Variants in DLG2 observed in about 807,000 individuals in gnomAD.
DLG2 encodes disks large homolog 2.
A neutral mutation model predicts 132.5 loss-of-function variants in DLG2; 45 were observed. The observed-to-expected ratio is 0.34, with a 90% CI of 0.27 to 0.44. The LOEUF (loss-of-function observed/expected upper bound fraction) is 0.44. Among genes scored for constraint, DLG2 ranks in the 20% least tolerant of loss-of-function variants. DLG2 has a pLI of 1.00. For synonymous variants in DLG2, 424 were observed against 419.6 expected, an observed-to-expected ratio of 1.01 and a Z score of -0.13; for missense variants, 1,045 against 1,196.9, an observed-to-expected ratio of 0.87 and a Z score of 1.87.
intron 8 of DLG2, among the ~76,000 whole-genome samples, chr11:84,167,867 T>C (rs1453323349): frequency 6.6e-6 from 1 of 152,184 alleles, no homozygotes; most frequent in Admixed American, 6.5e-5. Flanking sequence ...GGTTTCACCA[T>C]GTTGACAAGG....
chr11:85,373,889 C>A (rs1310389182), intron 3 of DLG2, among the ~76,000 whole-genome samples: 1 of 151,864 alleles, frequency 6.6e-6, no homozygotes, highest in East Asian at 1.9e-4. Context: ...CAATTTAGGA[C>A]AACTCTGAAA....
intron 7 of DLG2, among the ~76,000 whole-genome samples, chr11:84,298,711 A>G (rs1212400624): frequency 6.6e-6 from 1 of 152,230 alleles, no homozygotes; most frequent in Non-Finnish European, 1.5e-5. Context: ...ATAAGATAAC[A>G]TTAGAAATGA....
intron 6 of DLG2, among the ~76,000 whole-genome samples, chr11:84,980,024 G>T (rs912845665): frequency 6.6e-6 from 1 of 151,808 alleles, no homozygotes; most frequent in African/African-American, 2.4e-5. Context: ...GTTTTCAAGG[G>T]TTTCAAAAAT....
chr11:84,075,934 T>C (rs1380980991), intron 10 of DLG2, among the ~76,000 whole-genome samples: 1 of 152,196 alleles, frequency 6.6e-6, no homozygotes, highest in Admixed American at 6.5e-5. Context: ...GCAAATGGTA[T>C]GCTTAATCTA....
intron 6 of DLG2, among the ~76,000 whole-genome samples, chr11:84,659,267 T>C (rs145003787): frequency 6.6e-6 from 1 of 152,134 alleles, no homozygotes; most frequent in Admixed American, 6.6e-5. Context: ...TTTTTAAAAT[T>C]TGAAGTCCTG....
At chr11:83,877,900 A>G (rs1179459718) in intron 15 of DLG2, among the ~76,000 whole-genome samples, 1 of 152,154 alleles carries the variant, frequency 6.6e-6, no homozygotes, top group African/African-American at 2.4e-5. Context: ...AACACCAAAC[A>G]TTTTTCCCTT....
chr11:84,589,222 G>A (rs1479386847), intron 6 of DLG2, among the ~76,000 whole-genome samples: 3 of 152,276 alleles, frequency 2.0e-5, no homozygotes, highest in African/African-American at 4.8e-5. Flanking sequence ...ATAAATGTCT[G>A]TGAGTCTGGA....
At chr11:84,879,695 T>C (rs995848913) in intron 6 of DLG2, among the ~76,000 whole-genome samples, 2 of 152,172 alleles carry the variant, frequency 1.3e-5, no homozygotes, top group Non-Finnish European at 2.9e-5. Flanking sequence ...TCATTATCTG[T>C]TGGTGATACC....
intron 3 of DLG2, among the ~76,000 whole-genome samples, chr11:85,416,405 G>C (rs1304639325): frequency 2.6e-5 from 4 of 152,144 alleles, no homozygotes; most frequent in Non-Finnish European, 5.9e-5. Context: ...TTTTTGCTTA[G>C]AATTGTCTTG....
intron 7 of DLG2, among the ~76,000 whole-genome samples, chr11:84,391,267 T>G (rs1251590788): frequency 6.6e-6 from 1 of 152,090 alleles, no homozygotes; most frequent in African/African-American, 2.4e-5. Context: ...TGACAAAAAA[T>G]TAAAATGCAG....
intron 18 of DLG2, among the ~76,000 whole-genome samples, chr11:83,753,782 ATG>A (rs1238935525): frequency 7.9e-6 from 1 of 126,734 alleles, no homozygotes; most frequent in Non-Finnish European, 1.6e-5. Flanking sequence ...TGGCATATAT[ATG>A]TCATATATAT....
intron 7 of DLG2, among the ~76,000 whole-genome samples, chr11:84,265,068 C>G (rs2097599149): frequency 6.6e-6 from 1 of 152,132 alleles, no homozygotes; most frequent in Admixed American, 6.6e-5. Flanking sequence ...AGATCTTTCT[C>G]CTCACTTCTG....
chr11:84,228,765 T>C (rs1014259958), intron 8 of DLG2, among the ~76,000 whole-genome samples: 1 of 152,252 alleles, frequency 6.6e-6, no homozygotes, highest in Non-Finnish European at 1.5e-5. Context: ...CTGCTTATGC[T>C]AATTTCAGCC....
intron 4 of DLG2, among the ~76,000 whole-genome samples, chr11:85,261,402 A>G (rs2076933958): frequency 6.6e-6 from 1 of 150,706 alleles, no homozygotes; most frequent in East Asian, 2.0e-4. Context: ...ACACCTCCCC[A>G]TAGAACAACA....
chr11:84,752,712 T>TC (rs1206664233), intron 6 of DLG2, among the ~76,000 whole-genome samples: 4 of 86,702 alleles, frequency 4.6e-5, no homozygotes, highest in African/African-American at 1.8e-4. Context: ...ATGCTATCCC[T>TC]CCCCCCTCCC....
At chr11:85,193,400 A>G (rs982916299) in intron 4 of DLG2, among the ~76,000 whole-genome samples, 3 of 152,216 alleles carry the variant, frequency 2.0e-5, no homozygotes, top group African/African-American at 7.2e-5. Flanking sequence ...TCATAGAAAC[A>G]TATATTTTCA....
intron 6 of DLG2, among the ~76,000 whole-genome samples, chr11:84,738,577 G>A (rs1158892332): frequency 6.6e-6 from 1 of 152,010 alleles, no homozygotes; most frequent in African/African-American, 2.4e-5. Context: ...AATGTTAGTG[G>A]ATGCCACTAT....
intron 6 of DLG2, among the ~76,000 whole-genome samples, chr11:84,687,573 C>T (rs1046311143): frequency 6.6e-6 from 1 of 152,082 alleles, no homozygotes; most frequent in Non-Finnish European, 1.5e-5. Flanking sequence ...TTAAACCTAC[C>T]TGCCTTCTTA....
intron 3 of DLG2, among the ~76,000 whole-genome samples, chr11:85,396,793 T>A (rs931181522): frequency 1.3e-5 from 2 of 152,138 alleles, no homozygotes; most frequent in African/African-American, 2.4e-5. Flanking sequence ...AGACCAAATA[T>A]ATGTTTGATT....
Sources: allele counts gnomAD v4.1 joint callset (sites outside exome capture counted in the v4.1 genomes callset), GRCh38; gene constraint gnomAD v4.1.1; transcripts MANE v1.5; gene names NCBI Gene and HGNC (gene_info 2026-07-23, HGNC 2026-07-21).